The following ENOX1 variants were observed in gnomAD, a reference collection of about 807,000 sequenced individuals.
ENOX1 encodes candidate growth-related and time keeping constitutive hydroquinone (NADH) oxidase.
A neutral mutation model predicts 82.5 loss-of-function variants in ENOX1; 42 were observed. That is an observed-to-expected ratio of 0.51 (90% confidence interval 0.40 to 0.66). The LOEUF (loss-of-function observed/expected upper bound fraction) is 0.66. Ranked by LOEUF, ENOX1 falls within the 30% of genes least tolerant of loss-of-function variation. The pLI, the probability that ENOX1 is intolerant of heterozygous loss-of-function variation, is 0.00. For synonymous variants in ENOX1, 271 were observed against 282.2 expected, an observed-to-expected ratio of 0.96 and a Z score of 0.40; for missense variants, 608 against 811.6, an observed-to-expected ratio of 0.75 and a Z score of 3.05.
rs146804748 is a variant in ENOX1 at position 43,376,498 on chromosome 13, A to C, written c.209-15046T>G. ...CTAAGAACACAGAAAGGTTGAAGAC[A>C]AGTGTTTAGGCTTCACGCTTCAAGA... On this transcript the variant is annotated intron_variant, in intron 5 of 16. Coordinates refer to ENST00000690772, the MANE Select transcript of ENOX1 (RefSeq NM_001347969.2). Among the ~76,000 whole-genome samples the C allele has an allele frequency of 2.8e-3, 426 of 152,320 alleles. 3 individuals carry two copies. Among genetic ancestry groups the C allele is most frequent in the African/African-American group, 9.8e-3 (407 of 41,568 alleles).
intron 1 of ENOX1, among the ~76,000 whole-genome samples, chr13:43,715,490 T>C (rs1233060822): frequency 1.3e-5 from 2 of 152,198 alleles, no homozygotes; most frequent in African/African-American, 4.8e-5. Context: ...GTTCTCTGTA[T>C]TTCCTGAATT....
chr13:43,257,872 C>T (rs2043840335), intron 14 of ENOX1, among the ~76,000 whole-genome samples: 1 of 152,194 alleles, frequency 6.6e-6, no homozygotes, highest in Non-Finnish European at 1.5e-5. Flanking sequence ...TATCCATGTC[C>T]ATGTCAGACC....
At chr13:43,459,456 T>C (rs1355741159) in intron 3 of ENOX1, 1 of 152,224 alleles carries the variant, frequency 6.6e-6, no homozygotes, top group South Asian at 2.1e-4. Context: ...GTTAATGCTA[T>C]CATTATACAA....
intron 1 of ENOX1, among the ~76,000 whole-genome samples, chr13:43,740,154 G>A (rs935158976): frequency 6.6e-6 from 1 of 152,092 alleles, no homozygotes; most frequent in African/African-American, 2.4e-5. Flanking sequence ...TTCATAAGTC[G>A]TGAGTTAGAA....
intron 8 of ENOX1, among the ~76,000 whole-genome samples, chr13:43,351,223 C>T (rs1029583753): frequency 2.6e-5 from 4 of 152,150 alleles, no homozygotes; most frequent in Non-Finnish European, 5.9e-5. Context: ...CATCAACTAA[C>T]CAGATCACAG....
chr13:43,772,059 C>T (rs186569518), intron 1 of ENOX1, among the ~76,000 whole-genome samples: 1 of 149,784 alleles, frequency 6.7e-6, no homozygotes, highest in African/African-American at 2.5e-5. Flanking sequence ...GCTGGGATTA[C>T]AGCATTGGTG....
intron 14 of ENOX1, among the ~76,000 whole-genome samples, chr13:43,242,097 ATC>A (rs1176692763): frequency 6.6e-6 from 1 of 152,076 alleles, no homozygotes; most frequent in Non-Finnish European, 1.5e-5. Flanking sequence ...ATCATCTGAA[ATC>A]TCAGCTTTTT....
At chr13:43,500,438 C>G (rs957082065) in intron 2 of ENOX1, among the ~76,000 whole-genome samples, 5 of 151,928 alleles carry the variant, frequency 3.3e-5, no homozygotes, top group African/African-American at 9.7e-5. Context: ...ATTCAAAGTG[C>G]TGAAAGAGAA....
chr13:43,386,263 T>G (rs2153578720), intron 5 of ENOX1, among the ~76,000 whole-genome samples: 1 of 152,340 alleles, frequency 6.6e-6, no homozygotes, highest in Non-Finnish European at 1.5e-5. Context: ...AGAGACAGGA[T>G]TCATGTTACA....
rs146655164 is a variant in ENOX1, at chr13:43,700,323, C to T, written c.-284-32779G>A. The stretch of plus-strand genomic sequence containing the variant: ...TTAGTGGGATATTTTCTTGGGTTTT[C>T]GAGATTGTTTACATCATGACTTTAA... On this transcript the variant is annotated intron_variant, in intron 1 of 16. Transcript: ENST00000690772. Among the ~76,000 whole-genome samples, 47 of 152,096 alleles carry T rather than the reference C, an allele frequency of 3.1e-4. No individual in the cohort carries two copies. In the East Asian group the frequency reaches 8.1e-3, roughly 26 times the overall value.
intron 1 of ENOX1, among the ~76,000 whole-genome samples, chr13:43,690,499 A>T (rs1010174587): frequency 2.0e-5 from 3 of 152,158 alleles, no homozygotes; most frequent in Non-Finnish European, 1.5e-5. Context: ...AGTAGCACAA[A>T]TCATATGCAT....
intron 2 of ENOX1, among the ~76,000 whole-genome samples, chr13:43,521,806 TCAGTG>T (rs2077781406): frequency 6.6e-6 from 1 of 152,132 alleles, no homozygotes; most frequent in Non-Finnish European, 1.5e-5. Flanking sequence ...AAGGCTTCAT[TCAGTG>T]CTCAGTGGAC....
At chr13:43,738,600 T>A (rs1266013082) in intron 1 of ENOX1, among the ~76,000 whole-genome samples, 1 of 152,208 alleles carries the variant, frequency 6.6e-6, no homozygotes, top group Non-Finnish European at 1.5e-5. Context: ...TAGAAAGGTT[T>A]TGAAAAAATA....
chr13:43,343,886 T>C (rs1413903391), intron 9 of ENOX1, among the ~76,000 whole-genome samples: 1 of 152,036 alleles, frequency 6.6e-6, no homozygotes, highest in African/African-American at 2.4e-5. Context: ...TTTTTTTGAA[T>C]AGAGCCCTGG....
At chr13:43,687,404 G>C (rs1052254585) in intron 1 of ENOX1, among the ~76,000 whole-genome samples, 1 of 152,166 alleles carries the variant, frequency 6.6e-6, no homozygotes, top group African/African-American at 2.4e-5. Context: ...TGTTCTGGCA[G>C]TTACTGAATG....
intron 10 of ENOX1, among the ~76,000 whole-genome samples, chr13:43,324,633 T>TG (rs1184928574): frequency 2.0e-5 from 3 of 151,716 alleles, no homozygotes; most frequent in African/African-American, 7.3e-5. Context: ...TCAAAAGAGG[T>TG]GGGGAAAGTA....
chr13:43,404,973 C>A (rs1291651156), intron 5 of ENOX1, among the ~76,000 whole-genome samples: 1 of 152,170 alleles, frequency 6.6e-6, no homozygotes, highest in African/African-American at 2.4e-5. Context: ...CCCACTGGTA[C>A]CCGCCAGGCT....
chr13:43,590,775 C>CA (rs35099290), intron 2 of ENOX1, among the ~76,000 whole-genome samples: 87,159 of 130,526 alleles, frequency 0.67, 29,009 homozygotes, highest in South Asian at 0.8. Context: ...AACTTCATCT[C>CA]AAAAAAAAAA....
chr13:43,504,781 T>G (rs571714074), intron 2 of ENOX1, among the ~76,000 whole-genome samples: 1 of 151,606 alleles, frequency 6.6e-6, no homozygotes, highest in South Asian at 2.1e-4. Flanking sequence ...GACTTAAAAT[T>G]TGCAGTGACA....
Sources: gnomAD v4.1 joint callset for allele counts (sites outside exome capture counted in the v4.1 genomes callset) on GRCh38, gnomAD v4.1.1 for gene constraint, MANE v1.5 for transcripts, NCBI Gene and HGNC (gene_info 2026-07-23, HGNC 2026-07-21) for gene names.